The following ACAN variants were observed in gnomAD, a reference collection of about 807,000 sequenced individuals.
The protein encoded by ACAN is aggrecan core protein.
A neutral mutation model predicts 169.1 loss-of-function variants in ACAN; 47 were observed. That is an observed-to-expected ratio of 0.28 (90% CI 0.22 to 0.35). The LOEUF is 0.35. ACAN is among the 10% of genes least tolerant of loss of function. The pLI, the probability that ACAN is intolerant of heterozygous loss-of-function variation, is 1.00. For missense variants in ACAN, 2,716 were observed against 2,759.9 expected, an observed-to-expected ratio of 0.98 and a Z score of 0.36; for synonymous variants, 1,115 against 1,112.2, an observed-to-expected ratio of 1.00 and a Z score of -0.05.
intron 1 of ACAN, among the ~76,000 whole-genome samples, chr15:88,817,849 G>GAAAAAA (rs10710630): frequency 8.2e-5 from 6 of 73,390 alleles, no homozygotes; most frequent in South Asian, 5.2e-4. Context: ...GTGAGACTCT[G>GAAAAAA]AAAAAAAAAA....
chr15:88,843,439 C>T lies in ACAN; in HGVS notation c.842C>T (p.Ala281Val). The part of the protein sequence containing the change: ...NECRRLGARL[A>V]TTGQLYLAWQ... ...TGCCGGCGGCTGGGTGCCCGGCTGGCCACCACGGGCCAGCTCTACCTGGCC... is the reference window on the plus strand; with the variant it reads ...TGCCGGCGGCTGGGTGCCCGGCTGGTCACCACGGGCCAGCTCTACCTGGCC... Residue 281 changes from alanine to valine, a missense_variant, in exon 6 of 19, where the codon GCC becomes GTC. Coordinates refer to ENST00000560601, the MANE Select transcript of ACAN (RefSeq NM_001369268.1). The surrounding 1 kb of genome is among the most constrained non-coding windows in gnomAD (Gnocchi z 4.0). 3.1e-6 allele frequency: 5 copies of T among 1,608,584 alleles called. No individual in the cohort carries two copies. Among genetic ancestry groups the T allele is most frequent in the Non-Finnish European group, 4.2e-6 (5 of 1,176,510 alleles).
chr15:88,803,736 C>G lies in ACAN; in HGVS notation c.-81C>G, dbSNP rs935420107. The G allele has an allele frequency of 9.9e-5, 15 of 152,234 alleles. No homozygotes were observed. The highest frequency in any genetic ancestry group is 3.6e-4 in the African/African-American group (15 of 41,428). 9.4% of individuals were successfully genotyped at this position (152,234 alleles called of 1,614,324 possible). A position where few individuals can be genotyped will look rare whatever the true frequency, so the allele number is the denominator to read the frequency against. On this transcript the variant is annotated 5_prime_UTR_variant, in exon 1 of 19. Transcript: ENST00000560601. ...ACGCAGCGAGACCCGGGCCTCCCGG[C>G]CCCAGGAGCCCCCAGCTGCCTCGCC...
Position 88,855,054 on chromosome 15 carries a change from A to G in ACAN, c.2469A>G (p.Pro823=), listed in dbSNP as rs1897017802. ...PSVELFPSEE[P]FPSKEPSPSE... The stretch of plus-strand genomic sequence containing the variant: ...TGGAGCTGTTCCCCTCAGAGGAGCC[A>G]TTCCCCTCCAAGGAGCCATCCCCCT... Residue 823 remains proline (P), a synonymous_variant, in exon 12 of 19, where the codon CCA becomes CCG. Coordinates refer to ENST00000560601, the MANE Select transcript of ACAN (RefSeq NM_001369268.1). The G allele has an allele frequency of 6.3e-7, 1 of 1,589,416 alleles. No individual in the cohort carries two copies. The highest frequency in any genetic ancestry group is 8.6e-7 in the Non-Finnish European group (1 of 1,169,316).
chr15:88,843,108 C>T lies in ACAN; in HGVS notation c.758-247C>T, dbSNP rs1470541695. Among the ~76,000 whole-genome samples the T allele has an allele frequency of 6.6e-6, 1 of 152,176 alleles. No individual in the cohort carries two copies. The highest frequency in any genetic ancestry group is 1.5e-5 in the Non-Finnish European group (1 of 68,034). On this transcript the variant is annotated intron_variant, in intron 5 of 18. Transcript: ENST00000560601. This position sits in a 1 kb window ranked among gnomAD's most constrained non-coding sequence, Gnocchi z 4.0. Reference sequence around the variant, plus strand: ...GATTTCAAGTTTGCTCCACCCTTTGCCCAATCTCCCTGCCACTTTTGCTGC... The same window carrying T: ...GATTTCAAGTTTGCTCCACCCTTTGTCCAATCTCCCTGCCACTTTTGCTGC...
At chr15:88,859,891 G>A (rs1897157097) in intron 12 of ACAN, among the ~76,000 whole-genome samples, 1 of 152,004 alleles carries the variant, frequency 6.6e-6, no homozygotes, top group Admixed American at 6.5e-5. Flanking sequence ...TATTTATTTT[G>A]TGCAGGGTTA....
At chr15:88,821,649 A>G (rs559208396) in intron 1 of ACAN, among the ~76,000 whole-genome samples, 1 of 152,296 alleles carries the variant, frequency 6.6e-6, no homozygotes, top group Non-Finnish European at 1.5e-5. Context: ...CTGCCATGTG[A>G]GGTCCAGAAA....
chr15:88,865,836 A>G (rs1897271579), intron 13 of ACAN, among the ~76,000 whole-genome samples: 1 of 152,244 alleles, frequency 6.6e-6, no homozygotes, highest in Non-Finnish European at 1.5e-5. Flanking sequence ...GAGATGAGAC[A>G]GCACAGGCCA....
At chr15:88,825,466 A>G (rs539366521) in intron 1 of ACAN, among the ~76,000 whole-genome samples, 42 of 152,326 alleles carry the variant, frequency 2.8e-4, no homozygotes, top group African/African-American at 9.1e-4. Context: ...ATTCACCTAG[A>G]TAGTACATTA....
rs1896731947 is a variant in ACAN at position 88,843,951 on chromosome 15, C to G, written c.1051+303C>G. The stretch of plus-strand genomic sequence containing the variant: ...GCTCTGTCACCTACTACTGTGCAAC[C>G]CTGGCAAAGTCAAGGCTGTGAACCT... On this transcript the variant is annotated intron_variant, in intron 6 of 18. Transcript: ENST00000560601. The surrounding 1 kb of genome is among the most constrained non-coding windows in gnomAD (Gnocchi z 4.0). Among the ~76,000 whole-genome samples the G allele has an allele frequency of 6.6e-6, 1 of 152,134 alleles. No individual in the cohort carries two copies. Among genetic ancestry groups the G allele is most frequent in the Non-Finnish European group, 1.5e-5 (1 of 68,028 alleles).
chr15:88,819,766 T>TA (rs1274417994), intron 1 of ACAN, among the ~76,000 whole-genome samples: 4 of 151,820 alleles, frequency 2.6e-5, no homozygotes, highest in Admixed American at 6.6e-5. Flanking sequence ...ACCCTATCTC[T>TA]AAAAAACATT....
In ACAN at chr15:88,849,837, A is replaced by C. The variant is rs1188321454; in HGVS notation, c.2026+106A>C. The stretch of plus-strand genomic sequence containing the variant: ...CAGTATCCCATCCATCAGAGCAAGA[A>C]AATGTCAGTCCCTCTGGGGCAGAGC... On this transcript the variant is annotated intron_variant, in intron 10 of 18. Coordinates refer to ENST00000560601, the MANE Select transcript of ACAN (RefSeq NM_001369268.1). The surrounding 1 kb of genome is among the most constrained non-coding windows in gnomAD (Gnocchi z 5.1). The C allele has an allele frequency of 2.1e-5, 31 of 1,464,172 alleles. No individual in the cohort carries two copies. Among genetic ancestry groups the C allele is most frequent in the Non-Finnish European group, 2.8e-5 (30 of 1,070,692 alleles). 90.7% of individuals were successfully genotyped at this position (1,464,172 alleles called of 1,614,324 possible). A position where few individuals can be genotyped will look rare whatever the true frequency, so the allele number is the denominator to read the frequency against.
Position 88,849,214 on chromosome 15 carries a change from C to T in ACAN, c.1733-224C>T, listed in dbSNP as rs375454480. 7.2e-5 allele frequency among the ~76,000 whole-genome samples: 11 copies of T among 152,198 alleles called. No homozygotes were observed. The highest frequency in any genetic ancestry group is 1.3e-4 in the Non-Finnish European group (9 of 68,034). Reference sequence around the variant, plus strand: ...TTTTGCCTTTTTTGGCACCGAAAGTCCTATGTACCGGGAAACCCCAGTCCA... The same window carrying T: ...TTTTGCCTTTTTTGGCACCGAAAGTTCTATGTACCGGGAAACCCCAGTCCA... On this transcript the variant is annotated intron_variant, in intron 9 of 18. Coordinates refer to ENST00000560601, the MANE Select transcript of ACAN (RefSeq NM_001369268.1). This position sits in a 1 kb window ranked among gnomAD's most constrained non-coding sequence, Gnocchi z 5.1.
intron 1 of ACAN, among the ~76,000 whole-genome samples, chr15:88,811,269 A>C (rs950785975): frequency 1.4e-4 from 21 of 152,176 alleles, no homozygotes; most frequent in Non-Finnish European, 1.5e-4. Context: ...TTTCAAACTG[A>C]ATTTGACCGT....
At chr15:88,859,449 T>G (rs1897148305) in intron 12 of ACAN, 32 bp downstream of exon 12, 3 of 1,551,588 alleles carry the variant, frequency 1.9e-6, no homozygotes, top group Non-Finnish European at 8.7e-7. Context: ...TTAAATGTGC[T>G]TAGGTAGTTC....
At chr15:88,831,331 T>C (rs908897497) in intron 1 of ACAN, among the ~76,000 whole-genome samples, 2 of 152,204 alleles carry the variant, frequency 1.3e-5, no homozygotes, top group African/African-American at 4.8e-5. Context: ...AATACAGCCA[T>C]GCACATCACA....
Position 88,860,423 on chromosome 15 carries a change from C to T in ACAN, c.6930C>T (p.Gly2310=), listed in dbSNP as rs759308876. ...GCCTGTGCCCCCCTGGCTACACTGG[C>T]GAGCACTGTAACATAGGTAAGGCCC... is the stretch of plus-strand genomic sequence containing the variant. ...VICLCPPGYT[G]EHCNIDIDEC... Residue 2310 remains glycine, a synonymous_variant, in exon 13 of 19, where the codon GGC becomes GGT. Coordinates refer to ENST00000560601, the MANE Select transcript of ACAN (RefSeq NM_001369268.1). 9.3e-6 allele frequency: 15 copies of T among 1,613,306 alleles called. No individual in the cohort carries two copies. The highest frequency in any genetic ancestry group is 6.7e-5 in the East Asian group (3 of 44,888).
At position 88,843,473 on chromosome 15, in the gene ACAN, T is replaced by C; in HGVS notation, c.876T>C (p.Ala292=). ...GCCAGCTCTACCTGGCCTGGCAGGC[T>C]GGCATGGACATGTGCAGCGCCGGCT... ...TTGQLYLAWQ[A]GMDMCSAGWL... The change falls in exon 6 of 19, where the codon GCT becomes GCC. Residue 292 remains alanine (A), a synonymous_variant. Coordinates refer to ENST00000560601, the MANE Select transcript of ACAN (RefSeq NM_001369268.1). The surrounding 1 kb of genome is among the most constrained non-coding windows in gnomAD (Gnocchi z 4.0). The C allele has an allele frequency of 6.2e-7, 1 of 1,611,918 alleles. No homozygotes were observed. Among genetic ancestry groups the C allele is most frequent in the Non-Finnish European group, 8.5e-7 (1 of 1,179,132 alleles).
In ACAN at chr15:88,856,980, G is replaced by T. The variant is rs750777160; in HGVS notation, c.4395G>T (p.Gly1465=). The T allele has an allele frequency of 6.2e-7, 1 of 1,613,200 alleles. No homozygotes were observed. The highest frequency in any genetic ancestry group is 8.5e-7 in the Non-Finnish European group (1 of 1,179,714). Residue 1465 remains glycine (G), a synonymous_variant, in exon 12 of 19, where the codon GGG becomes GGT. Coordinates refer to ENST00000560601, the MANE Select transcript of ACAN (RefSeq NM_001369268.1). ...TAGAGACTTCTACCTCTGCGGTAGG[G>T]GACCTCAGTGGACTTCCTTCTGGAG... The part of the protein sequence containing the change: ...EVLETSTSAV[G]DLSGLPSGGE...
intron 4 of ACAN, 58 bp downstream of exon 4, chr15:88,840,244 G>A (rs1256995845): frequency 2.0e-6 from 3 of 1,496,408 alleles, no homozygotes; most frequent in African/African-American, 2.7e-5. Context: ...AGGGGAGTGG[G>A]GCGGGTGCTG....
Sources: allele counts gnomAD v4.1 joint callset (sites outside exome capture counted in the v4.1 genomes callset), GRCh38; gene constraint gnomAD v4.1.1; non-coding constraint Gnocchi (gnomAD v3.1); transcripts MANE v1.5; gene names NCBI Gene and HGNC (gene_info 2026-07-23, HGNC 2026-07-21).